Variants in LINGO2 observed in about 807,000 individuals in gnomAD.
LINGO2 encodes the protein leucine rich repeat and Ig domain containing 2, also known as leucine-rich repeat and immunoglobulin-like domain-containing nogo receptor-interacting protein 2.
LINGO2 carries 14 observed loss-of-function variants against 30.6 expected under a neutral mutation model. That is an observed-to-expected ratio of 0.46 (90% CI 0.30 to 0.72). The LOEUF is 0.72. LINGO2 is among the 30% of genes least tolerant of loss of function. The probability of loss-of-function intolerance (pLI) is 0.07; values close to 1 mark genes in which losing one functional copy is unlikely to be tolerated. For synonymous variants in LINGO2, 317 were observed against 288.5 expected (o/e 1.10, Z -1.00); for missense variants, 729 against 751.7 (o/e 0.97, Z 0.35).
intron 1 of LINGO2, among the ~76,000 whole-genome samples, chr9:28,630,398 G>C (rs1826882729): frequency 6.6e-6 from 1 of 151,746 alleles, no homozygotes; most frequent in South Asian, 2.1e-4. Flanking sequence ...GTCCTAACTT[G>C]ACATAAACAC....
chr9:28,650,635 A>C (rs1474444121), intron 1 of LINGO2, among the ~76,000 whole-genome samples: 1 of 151,990 alleles, frequency 6.6e-6, no homozygotes, highest in Non-Finnish European at 1.5e-5. Flanking sequence ...TCCTGCTGAC[A>C]TTTCTATTTC....
At position 28,148,686 on chromosome 9, in the gene LINGO2, C is replaced by A; in HGVS notation, c.-86-136281G>T. ...CAGGTGCCTGCAGTGAGTTTCTACT[C>A]CAACGGCCATGGAGTCGCCAGTTCA... On this transcript the variant is annotated intron_variant, in intron 4 of 5. Transcript: ENST00000379992. This position sits in a 1 kb window ranked among gnomAD's most constrained non-coding sequence, Gnocchi z 5.1. The A allele has an allele frequency of 6.5e-7, 1 of 1,533,788 alleles. No individual in the cohort carries two copies. Among genetic ancestry groups the A allele is most frequent in the Non-Finnish European group, 8.7e-7 (1 of 1,146,166 alleles).
At chr9:28,982,414 A>G in the LINGO2 span, among the ~76,000 whole-genome samples, 2 of 152,036 alleles carry the variant, frequency 1.3e-5, no homozygotes, top group African/African-American at 4.8e-5. Flanking sequence ...TGTGTAAGCC[A>G]ACTTCTACAA....
chr9:28,254,941 C>T (rs1048712780), intron 4 of LINGO2, among the ~76,000 whole-genome samples: 1 of 151,918 alleles, frequency 6.6e-6, no homozygotes. Flanking sequence ...ACAATAGGCC[C>T]CAGTGTGTGT....
At chr9:28,893,473 A>G in the LINGO2 span, among the ~76,000 whole-genome samples, 1 of 152,024 alleles carries the variant, frequency 6.6e-6, no homozygotes, top group East Asian at 1.9e-4. Context: ...TTAAAAATAT[A>G]AATTGCTAAA....
chr9:28,413,099 C>T (rs922898517), intron 2 of LINGO2, among the ~76,000 whole-genome samples: 2 of 151,988 alleles, frequency 1.3e-5, no homozygotes, highest in Non-Finnish European at 2.9e-5. Context: ...ACATAGCATA[C>T]AGAATATGTG....
chr9:28,874,009 G>A, the LINGO2 span, among the ~76,000 whole-genome samples: 1 of 152,034 alleles, frequency 6.6e-6, no homozygotes, highest in East Asian at 1.9e-4. Context: ...CTAATGTAAT[G>A]GCTGAGGAAG....
chr9:29,034,078 A>C, the LINGO2 span, among the ~76,000 whole-genome samples: 1 of 146,508 alleles, frequency 6.8e-6, no homozygotes. Context: ...GTGAGATTCC[A>C]CCTCAAAAAA....
chr9:28,064,834 T>C (rs1457246829), intron 4 of LINGO2, among the ~76,000 whole-genome samples: 1 of 151,956 alleles, frequency 6.6e-6, no homozygotes. Flanking sequence ...GGGGAAATGA[T>C]TTTTGCATCA....
chr9:29,175,769 C>A, the LINGO2 span, among the ~76,000 whole-genome samples: 1 of 152,008 alleles, frequency 6.6e-6, no homozygotes, highest in South Asian at 2.1e-4. Context: ...TCGTGATCCA[C>A]CCACCTCAGC....
intron 4 of LINGO2, among the ~76,000 whole-genome samples, chr9:28,089,860 A>C (rs1587832348): frequency 6.6e-6 from 1 of 152,220 alleles, no homozygotes; most frequent in African/African-American, 2.4e-5. Context: ...AAATAGATGC[A>C]ATAAAAAATG....
the LINGO2 span, among the ~76,000 whole-genome samples, chr9:29,018,511 T>A: frequency 6.6e-6 from 1 of 152,108 alleles, no homozygotes; most frequent in Admixed American, 6.6e-5. Context: ...AATCACTGCT[T>A]TGCATGCCTT....
At chr9:28,064,804 C>A (rs916554422) in intron 4 of LINGO2, among the ~76,000 whole-genome samples, 1 of 152,140 alleles carries the variant, frequency 6.6e-6, no homozygotes, top group Middle Eastern at 3.4e-3. Flanking sequence ...AAACCTGGTG[C>A]CTTTGCCAAC....
chr9:28,229,466 TGAA>T (rs1181079320), intron 4 of LINGO2, among the ~76,000 whole-genome samples: 2 of 151,346 alleles, frequency 1.3e-5, no homozygotes, highest in African/African-American at 4.8e-5. Flanking sequence ...AAGAAGAAGA[TGAA>T]GAACAAGAGG....
intron 4 of LINGO2, among the ~76,000 whole-genome samples, chr9:28,037,632 A>C (rs75172563): frequency 0.016 from 2,488 of 152,364 alleles, 59 homozygotes; most frequent in African/African-American, 0.056. Flanking sequence ...TCTTTGGAAG[A>C]AACAGTGTCT....
chr9:29,074,962 C>T, the LINGO2 span, among the ~76,000 whole-genome samples: 1 of 152,144 alleles, frequency 6.6e-6, no homozygotes, highest in Non-Finnish European at 1.5e-5. Flanking sequence ...AGGCGTGAGC[C>T]ACCGCGCCAG....
the LINGO2 span, among the ~76,000 whole-genome samples, chr9:29,137,257 G>A: frequency 1.3e-5 from 2 of 151,890 alleles, no homozygotes; most frequent in Non-Finnish European, 1.5e-5. Flanking sequence ...GGAACTTTAG[G>A]TTCATCATCA....
chr9:29,010,212 A>G, the LINGO2 span, among the ~76,000 whole-genome samples: 1 of 152,340 alleles, frequency 6.6e-6, no homozygotes, highest in Admixed American at 6.5e-5. Flanking sequence ...GCTTCTGCAC[A>G]GCAAAAGAAA....
At chr9:29,109,964 A>G in the LINGO2 span, among the ~76,000 whole-genome samples, 1 of 152,222 alleles carries the variant, frequency 6.6e-6, no homozygotes, top group African/African-American at 2.4e-5. Flanking sequence ...ATTCCTTGTT[A>G]CAGATGAGAA....
Sources: gnomAD v4.1 joint callset for allele counts (sites outside exome capture counted in the v4.1 genomes callset) on GRCh38, gnomAD v4.1.1 for gene constraint, Gnocchi (gnomAD v3.1) non-coding constraint, MANE v1.5 for transcripts, NCBI Gene and HGNC (gene_info 2026-07-23, HGNC 2026-07-21) for gene names.